Variants in KLF12 observed in about 807,000 individuals in gnomAD.
KLF12 encodes the protein KLF transcription factor 12, also known as Krueppel-like factor 12.
A neutral mutation model predicts 37.8 loss-of-function variants in KLF12; 9 were observed. That is an observed-to-expected ratio of 0.24 (90% confidence interval 0.14 to 0.42). KLF12 has a LOEUF of 0.42. Among genes scored for constraint, KLF12 ranks in the 10% least tolerant of loss-of-function variants. KLF12 has a pLI of 1.00. For synonymous variants in KLF12, 208 were observed against 202.1 expected (o/e 1.03, Z -0.25); for missense variants, 411 against 516.0 (o/e 0.80, Z 1.97).
At chr13:74,074,049 G>C (rs1874424908) in intron 1 of KLF12, among the ~76,000 whole-genome samples, 1 of 152,150 alleles carries the variant, frequency 6.6e-6, no homozygotes, top group African/African-American at 2.4e-5. Context: ...ATTTTCTATA[G>C]GCTGAGAGGC....
At chr13:74,164,910 G>A in the KLF12 span, among the ~76,000 whole-genome samples, 18 of 152,138 alleles carry the variant, frequency 1.2e-4, no homozygotes, top group Non-Finnish European at 2.2e-4. Context: ...CAGAGGCTGG[G>A]GAGGGTAGTG....
chr13:73,996,284 A>T, intron 1 of KLF12, among the ~76,000 whole-genome samples: 1 of 152,390 alleles, frequency 6.6e-6, no homozygotes, highest in Non-Finnish European at 1.5e-5. Flanking sequence ...CATTCTCTTG[A>T]AATTCAGAGT....
At chr13:73,933,532 G>A (rs1889782305) in intron 3 of KLF12, among the ~76,000 whole-genome samples, 1 of 152,130 alleles carries the variant, frequency 6.6e-6, no homozygotes, top group Non-Finnish European at 1.5e-5. Context: ...GCAATCAACA[G>A]GACTGGCATG....
chr13:73,827,606 T>C (rs1933993466), intron 4 of KLF12, among the ~76,000 whole-genome samples: 1 of 152,178 alleles, frequency 6.6e-6, no homozygotes. Flanking sequence ...TCACCCAGGC[T>C]GTATGTAGTG....
chr13:73,860,458 C>T (rs565388602), intron 3 of KLF12, among the ~76,000 whole-genome samples: 53 of 152,280 alleles, frequency 3.5e-4, no homozygotes, highest in African/African-American at 1.3e-3. Context: ...CTACGGGCCA[C>T]ATGCAGTGGC....
intron 4 of KLF12, among the ~76,000 whole-genome samples, chr13:73,818,812 G>A (rs1594128145): frequency 1.3e-5 from 2 of 152,216 alleles, no homozygotes; most frequent in Admixed American, 6.5e-5. Context: ...CCAGGCAGGC[G>A]CCACAGGGCT....
intron 5 of KLF12, among the ~76,000 whole-genome samples, chr13:73,810,055 G>C (rs1406887470): frequency 6.6e-6 from 1 of 152,110 alleles, no homozygotes; most frequent in South Asian, 2.1e-4. Flanking sequence ...AGACCAACTG[G>C]CCAACATGGT....
intron 1 of KLF12, among the ~76,000 whole-genome samples, chr13:74,003,887 G>C (rs936380584): frequency 3.9e-5 from 6 of 152,032 alleles, no homozygotes; most frequent in African/African-American, 1.4e-4. Context: ...AATGTCAATG[G>C]CATTTTCAAA....
chr13:74,192,979 G>GTTTT, the KLF12 span, among the ~76,000 whole-genome samples: 1 of 129,890 alleles, frequency 7.7e-6, no homozygotes, highest in Non-Finnish European at 1.7e-5. Flanking sequence ...AACTTTTTCT[G>GTTTT]TTTTTTTTTT....
At chr13:74,259,732 T>C in the KLF12 span, 1 of 152,174 alleles carries the variant, frequency 6.6e-6, no homozygotes, top group African/African-American at 2.4e-5. Flanking sequence ...CATCAGTAAC[T>C]CAATCGAGCC....
the KLF12 span, among the ~76,000 whole-genome samples, chr13:74,187,953 C>T: frequency 6.6e-6 from 1 of 152,172 alleles, no homozygotes; most frequent in African/African-American, 2.4e-5. Context: ...AAATGTAATG[C>T]ATATGACTTT....
At chr13:74,131,379 T>C (rs1878252110) in intron 1 of KLF12, among the ~76,000 whole-genome samples, 1 of 152,192 alleles carries the variant, frequency 6.6e-6, no homozygotes, top group South Asian at 2.1e-4. Context: ...CCCTTTGGCC[T>C]GGGGAGAGTG....
At chr13:73,982,181 A>C (rs1891704526) in intron 2 of KLF12, among the ~76,000 whole-genome samples, 1 of 152,242 alleles carries the variant, frequency 6.6e-6, no homozygotes, top group African/African-American at 2.4e-5. Context: ...GATTTGCTTT[A>C]TTAAGGTGAT....
the KLF12 span, among the ~76,000 whole-genome samples, chr13:74,241,643 A>T: frequency 6.6e-6 from 1 of 152,158 alleles, no homozygotes; most frequent in African/African-American, 2.4e-5. Flanking sequence ...TGCCGGATAT[A>T]ATCTCGTGGT....
At chr13:73,786,564 CAT>C (rs1311955122) in intron 5 of KLF12, among the ~76,000 whole-genome samples, 7 of 152,050 alleles carry the variant, frequency 4.6e-5, no homozygotes, top group Admixed American at 4.6e-4. Flanking sequence ...CTGCCACTGA[CAT>C]ATAAATCCTG....
intron 2 of KLF12, among the ~76,000 whole-genome samples, chr13:73,976,540 C>G (rs533673460): frequency 4.9e-4 from 75 of 152,182 alleles, no homozygotes; most frequent in Non-Finnish European, 9.1e-4. Flanking sequence ...CCACAACAGC[C>G]TCCCTACTCC....
chr13:74,160,262 A>G, the KLF12 span, among the ~76,000 whole-genome samples: 1 of 152,178 alleles, frequency 6.6e-6, no homozygotes, highest in Admixed American at 6.5e-5. Context: ...TGTTCTGTGT[A>G]CTGAAATTCT....
intron 2 of KLF12, among the ~76,000 whole-genome samples, chr13:73,981,531 C>T (rs929298975): frequency 3.9e-5 from 6 of 152,108 alleles, no homozygotes; most frequent in African/African-American, 1.4e-4. Context: ...CAGTATGGTA[C>T]TATTCATATG....
intron 6 of KLF12, among the ~76,000 whole-genome samples, chr13:73,722,660 T>C (rs1876355742): frequency 6.6e-6 from 1 of 152,194 alleles, no homozygotes; most frequent in Non-Finnish European, 1.5e-5. Flanking sequence ...AGACATTATA[T>C]CATGTTCTAA....
Sources: allele counts gnomAD v4.1 joint callset (sites outside exome capture counted in the v4.1 genomes callset), GRCh38; gene constraint gnomAD v4.1.1; transcripts MANE v1.5; gene names NCBI Gene and HGNC (gene_info 2026-07-23, HGNC 2026-07-21).